PPP3CA: variants seen among roughly 807,000 people sequenced by gnomAD.
PPP3CA encodes protein phosphatase 3 catalytic subunit alpha.
In PPP3CA, 14 loss-of-function variants were observed where a neutral mutation model predicts 66.5. The ratio of observed to expected loss-of-function variants is 0.21; its 90% CI spans 0.14 to 0.33. The LOEUF (loss-of-function observed/expected upper bound fraction) is 0.33. PPP3CA is among the 10% of genes least tolerant of loss of function. The pLI is 1.00. For synonymous variants in PPP3CA, 232 were observed against 226.2 expected, an observed-to-expected ratio of 1.03 and a Z score of -0.23; for missense variants, 317 against 639.5, an observed-to-expected ratio of 0.50 and a Z score of 5.44.
intron 10 of PPP3CA, among the ~76,000 whole-genome samples, chr4:101,059,733 C>T (rs1728379817): frequency 1.3e-5 from 2 of 152,026 alleles, no homozygotes; most frequent in Admixed American, 6.6e-5. Flanking sequence ...GTTTCCCTTG[C>T]CCTCTTCACC....
rs78195489 is a variant in PPP3CA at position 101,157,062 on chromosome 4, T to C, written c.259+38854A>G. On this transcript the variant is annotated intron_variant, in intron 2 of 13. Coordinates refer to ENST00000394854, the MANE Select transcript of PPP3CA (RefSeq NM_000944.5). ...CTCCAAATGTTCCCATTTCTAATTTTTCTAAGGCACAGAGTTATGAGGTCG... is the reference window on the plus strand; with the variant it reads ...CTCCAAATGTTCCCATTTCTAATTTCTCTAAGGCACAGAGTTATGAGGTCG... 3.7e-3 allele frequency among the ~76,000 whole-genome samples: 571 copies of C among 152,328 alleles called. 1 individual carries two copies. The highest frequency in any genetic ancestry group is 6.0e-3 in the Non-Finnish European group (411 of 68,030).
In PPP3CA at chr4:101,235,646, A is replaced by G. The variant is rs758536000; in HGVS notation, c.59-39530T>C. On this transcript the variant is annotated intron_variant, in intron 1 of 13. Transcript: ENST00000394854. ...GTGGCTAGGCATAAAGTAGATGCTC[A>G]GTAAACGTATTTCATTAATATAGCA... 2.4e-4 allele frequency among the ~76,000 whole-genome samples: 36 copies of G among 151,912 alleles called. 1 individual carries two copies. Among genetic ancestry groups the G allele is most frequent in the Non-Finnish European group, 4.6e-4 (31 of 67,894 alleles).
chr4:101,302,983 T>C (rs896456956), intron 1 of PPP3CA, among the ~76,000 whole-genome samples: 1 of 152,194 alleles, frequency 6.6e-6, no homozygotes, highest in Non-Finnish European at 1.5e-5. Context: ...TAAATTTAGT[T>C]TTGAGTATCA....
rs146845206 is a variant in PPP3CA, at chr4:101,331,544, G to A, written c.58+15195C>T. Among the ~76,000 whole-genome samples the A allele has an allele frequency of 1.0e-3, 156 of 152,230 alleles. 2 individuals are homozygous for A. Among genetic ancestry groups the A allele is most frequent in the African/African-American group, 3.5e-3 (145 of 41,530 alleles). ...TGCCAACATTTGTGATCCATCGTGC[G>A]TACAACAGACAAGTAGCAGCACAGA... On this transcript the variant is annotated intron_variant, in intron 1 of 13. Transcript: ENST00000394854.
chr4:101,177,909 TTC>T (rs1433678017), intron 2 of PPP3CA, among the ~76,000 whole-genome samples: 1 of 152,134 alleles, frequency 6.6e-6, no homozygotes, highest in African/African-American at 2.4e-5. Flanking sequence ...ATATTATTTT[TTC>T]TGTTTACTAA....
chr4:101,192,426 C>G (rs1724636786), intron 2 of PPP3CA, among the ~76,000 whole-genome samples: 2 of 152,088 alleles, frequency 1.3e-5, no homozygotes, highest in Admixed American at 1.3e-4. Flanking sequence ...CCTTCAACCC[C>G]CATTCCCTAT....
chr4:101,204,535 C>T (rs1725069509), intron 1 of PPP3CA, among the ~76,000 whole-genome samples: 1 of 150,334 alleles, frequency 6.7e-6, no homozygotes, highest in Non-Finnish European at 1.5e-5. Context: ...ACTCTGGAGG[C>T]TGAGGCAGGA....
intron 1 of PPP3CA, among the ~76,000 whole-genome samples, chr4:101,269,793 T>A (rs990472583): frequency 2.0e-5 from 3 of 152,096 alleles, no homozygotes; most frequent in African/African-American, 7.2e-5. Context: ...ATATAAGTAT[T>A]TGTAAGATAA....
intron 5 of PPP3CA, among the ~76,000 whole-genome samples, chr4:101,094,269 T>G (rs1303116794): frequency 6.6e-6 from 1 of 152,194 alleles, no homozygotes; most frequent in Non-Finnish European, 1.5e-5. Context: ...TCCAAATGTT[T>G]TTTTCATGAC....
intron 2 of PPP3CA, among the ~76,000 whole-genome samples, chr4:101,121,037 A>G (rs1391287124): frequency 6.6e-6 from 1 of 152,108 alleles, no homozygotes; most frequent in African/African-American, 2.4e-5. Context: ...AAATTAACAC[A>G]GGTGTTTGGA....
At chr4:101,250,287 G>A (rs1193713843) in intron 1 of PPP3CA, 2 of 453,108 alleles carry the variant, frequency 4.4e-6, no homozygotes, top group Non-Finnish European at 8.9e-6. Flanking sequence ...AGACAGACCT[G>A]AATACTAATC....
intron 1 of PPP3CA, among the ~76,000 whole-genome samples, chr4:101,337,803 AGCAAGT>A (rs1173302772): frequency 6.6e-6 from 1 of 152,138 alleles, no homozygotes; most frequent in Non-Finnish European, 1.5e-5. Context: ...TGGGACTAAG[AGCAAGT>A]GCCTCACTAT....
chr4:101,109,151 T>A, intron 2 of PPP3CA, 73 bp from the exon 3 acceptor site: 1 of 1,438,418 alleles, frequency 7.0e-7, no homozygotes, highest in Non-Finnish European at 9.5e-7. Context: ...ATTACAAAAT[T>A]TTAGAACCAG....
intron 1 of PPP3CA, among the ~76,000 whole-genome samples, chr4:101,251,733 A>T (rs1191952774): frequency 6.6e-6 from 1 of 152,222 alleles, no homozygotes; most frequent in Non-Finnish European, 1.5e-5. Flanking sequence ...GTACATTCTA[A>T]CACTGTCTTT....
chr4:101,052,668 A>C (rs929541793), intron 10 of PPP3CA, among the ~76,000 whole-genome samples: 7 of 151,978 alleles, frequency 4.6e-5, no homozygotes, highest in African/African-American at 1.7e-4. Context: ...CTTTTTACAC[A>C]TCTTTCTTTC....
intron 1 of PPP3CA, among the ~76,000 whole-genome samples, chr4:101,285,468 T>A (rs1415971664): frequency 6.6e-6 from 1 of 152,188 alleles, no homozygotes; most frequent in Non-Finnish European, 1.5e-5. Context: ...TTTGTACGGC[T>A]TAAAGAGTTC....
chr4:101,266,125 C>T (rs1410247678), intron 1 of PPP3CA, among the ~76,000 whole-genome samples: 3 of 152,004 alleles, frequency 2.0e-5, no homozygotes, highest in Non-Finnish European at 4.4e-5. Context: ...ATTAATAATT[C>T]CAGACTGTTT....
chr4:101,027,080 A>G (rs1726690139), intron 13 of PPP3CA, among the ~76,000 whole-genome samples: 1 of 152,174 alleles, frequency 6.6e-6, no homozygotes, highest in Non-Finnish European at 1.5e-5. Context: ...TGAGTACACC[A>G]ACTGGTGAGC....
intron 1 of PPP3CA, among the ~76,000 whole-genome samples, chr4:101,202,155 ACT>A (rs1251207009): frequency 6.6e-6 from 1 of 151,534 alleles, no homozygotes; most frequent in African/African-American, 2.4e-5. Context: ...ATTCTTGGAA[ACT>A]CTTTGATCCA....
Sources: allele counts gnomAD v4.1 joint callset (sites outside exome capture counted in the v4.1 genomes callset), GRCh38; gene constraint gnomAD v4.1.1; transcripts MANE v1.5; gene names NCBI Gene and HGNC (gene_info 2026-07-23, HGNC 2026-07-21).